LAMB4: variants seen among roughly 807,000 people sequenced by gnomAD.
LAMB4 encodes laminin subunit beta 4.
A neutral mutation model predicts 199.2 loss-of-function variants in LAMB4; 196 were observed. The observed-to-expected ratio is 0.98, with a 90% CI of 0.88 to 1.11. The LOEUF is 1.11. LAMB4 is among the 50% of genes least tolerant of loss of function. The pLI is 0.00. For synonymous variants in LAMB4, 744 were observed against 770.6 expected (o/e 0.97, Z 0.57); for missense variants, 2,080 against 2,171.2 (o/e 0.96, Z 0.83).
intron 30 of LAMB4, among the ~76,000 whole-genome samples, chr7:108,036,684 C>T (rs1378190568): frequency 2.0e-5 from 3 of 151,958 alleles, no homozygotes; most frequent in African/African-American, 7.3e-5. Flanking sequence ...TAACCCTGAC[C>T]CACAGCACCC....
At chr7:108,070,399 C>T (rs993692789) in intron 17 of LAMB4, among the ~76,000 whole-genome samples, 2 of 152,174 alleles carry the variant, frequency 1.3e-5, no homozygotes, top group Non-Finnish European at 2.9e-5. Context: ...CCCTAGATGA[C>T]CAGAACTGAC....
rs756256335 is a variant in LAMB4 at position 108,044,955 on chromosome 7, C to CAAA, written c.4327-1062_4327-1060dup. ...GCCAGACAGAGTGAGATTCTTGTCT[C>CAAA]AAAAAAAAAAAAAAAAAAAGAAAAG... On this transcript the variant is annotated intron_variant, in intron 28 of 33. Transcript: ENST00000388781. Among the ~76,000 whole-genome samples the CAAA allele has an allele frequency of 3.0e-3, 167 of 56,220 alleles. 3 individuals carry two copies. The highest frequency in any genetic ancestry group is 0.012 in the African/African-American group (147 of 12,776). 36.9% of individuals were successfully genotyped at this position (56,220 alleles called of 152,430 possible).
intron 31 of LAMB4, among the ~76,000 whole-genome samples, chr7:108,033,450 G>T (rs944709940): frequency 6.6e-6 from 1 of 152,108 alleles, no homozygotes; most frequent in African/African-American, 2.4e-5. Context: ...TCGCTCTGTT[G>T]CCTAGACTGG....
chr7:108,012,194 G>GT, the LAMB4 span, among the ~76,000 whole-genome samples: 1 of 151,554 alleles, frequency 6.6e-6, no homozygotes, highest in East Asian at 1.9e-4. Context: ...CATGAATAAA[G>GT]TTCTAGAAGG....
intron 2 of LAMB4, among the ~76,000 whole-genome samples, chr7:108,119,177 C>T (rs1300172914): frequency 6.6e-6 from 1 of 152,134 alleles, no homozygotes; most frequent in Non-Finnish European, 1.5e-5. Context: ...GCATACCCTG[C>T]TGGTGGGAAT....
Position 108,115,930 on chromosome 7 carries a change from C to T in LAMB4, c.192+74G>A, listed in dbSNP as rs1399298078. ...GTTGTCTCCTTTAATGTCTGAGTAG[C>T]CCCAGGTGTACCTGGAAAAATCTAC... is the stretch of plus-strand genomic sequence containing the variant. On this transcript the variant is annotated intron_variant, in intron 3 of 33. Coordinates refer to ENST00000388781, the MANE Select transcript of LAMB4 (RefSeq NM_007356.3). 9 of 1,442,136 alleles carry T rather than the reference C, an allele frequency of 6.2e-6. No individual in the cohort carries two copies. The African/African-American group carries it at 9.9e-5, about 16-fold the overall frequency. The allele number at this position is 1,442,136 out of a possible 1,614,324, so 89.3% of individuals were successfully genotyped here. A position where few individuals can be genotyped will look rare whatever the true frequency, so the allele number is the denominator to read the frequency against.
At chr7:108,035,546 G>A (rs117976205) in intron 30 of LAMB4, among the ~76,000 whole-genome samples, 771 of 107,546 alleles carry the variant, frequency 7.2e-3, no homozygotes, top group Non-Finnish European at 7.7e-3. Flanking sequence ...TGTCTCAAAA[G>A]AAAAAAAAAA....
Position 108,076,942 on chromosome 7 carries a change from A to G in LAMB4, c.2124+2T>C. ...GCACCCACAAAACTCTGTGATACTT[A>G]CAGAGTCCACCAGGACATGTGAATG... On this transcript the variant is annotated splice_donor_variant, in intron 17 of 33. Transcript: ENST00000388781. LOFTEE classifies it high-confidence loss of function. 6.2e-7 allele frequency: 1 copy of G among 1,614,016 alleles called. No homozygotes were observed. Among genetic ancestry groups the G allele is most frequent in the African/African-American group, 1.3e-5 (1 of 75,054 alleles).
chr7:108,089,861 T>C (rs1053603604), intron 14 of LAMB4, among the ~76,000 whole-genome samples: 1 of 152,202 alleles, frequency 6.6e-6, no homozygotes, highest in African/African-American at 2.4e-5. Context: ...ATATGGGACC[T>C]CACTATGTTG....
In LAMB4 at chr7:108,055,692, T is replaced by C; in HGVS notation, c.3695A>G (p.Lys1232Arg). The C allele has an allele frequency of 6.2e-7, 1 of 1,614,144 alleles. No homozygotes were observed. The highest frequency in any genetic ancestry group is 8.5e-7 in the Non-Finnish European group (1 of 1,179,980). ...TTTCCCAGATGGGAAAACAGGATGT[T>C]TCAAAATCCTTTCTATTTCAGACAC... ...GNVSEIERIL[K>R]HPVFPSGKFL... The change falls in exon 25 of 34, where the codon AAA becomes AGA. Residue 1232 changes from lysine (K) to arginine (R), a missense_variant. Coordinates refer to ENST00000388781, the MANE Select transcript of LAMB4 (RefSeq NM_007356.3).
chr7:108,079,204 C>A (rs1361168795), intron 15 of LAMB4, among the ~76,000 whole-genome samples: 1 of 152,192 alleles, frequency 6.6e-6, no homozygotes, highest in Non-Finnish European at 1.5e-5. Flanking sequence ...GGGTAAGATG[C>A]AAATGCAAAC....
At chr7:108,015,907 G>C in the LAMB4 span, among the ~76,000 whole-genome samples, 2 of 152,070 alleles carry the variant, frequency 1.3e-5, no homozygotes, top group African/African-American at 2.4e-5. Context: ...CAAAGATGAA[G>C]TATTTCTATT....
At chr7:108,091,352 C>A (rs1028845931) in intron 14 of LAMB4, among the ~76,000 whole-genome samples, 3 of 152,034 alleles carry the variant, frequency 2.0e-5, no homozygotes, top group African/African-American at 7.2e-5. Context: ...CTTGAAACAG[C>A]AAAAGTAAAG....
downstream of LAMB4, among the ~76,000 whole-genome samples, chr7:108,021,957 C>T (rs1636943): frequency 0.2 from 30,793 of 151,946 alleles, 7,281 homozygotes; most frequent in African/African-American, 0.58. Context: ...ATGAAGAGGC[C>T]CGGCCAACTG....
chr7:108,066,408 A>G lies in LAMB4; in HGVS notation c.2639T>C (p.Phe880Ser). 6.2e-7 allele frequency: 1 copy of G among 1,614,178 alleles called. No homozygotes were observed. The highest frequency in any genetic ancestry group is 8.5e-7 in the Non-Finnish European group (1 of 1,180,010). Residue 880 changes from phenylalanine (F) to serine (S), a missense_variant, in exon 20 of 34, where the codon TTC becomes TCC. Phe to Ser is a radical substitution (Grantham distance 155). Transcript: ENST00000388781. ...GCCAGTTGTAAAGCCTCCACAATTG[A>G]AGCATGACCCTGTCTCAGGATCACA... ...ELCDPETGSCFNCGGFTTGRN... is the reference protein window; with the variant it reads ...ELCDPETGSCSNCGGFTTGRN...
At chr7:108,105,778 G>C in intron 8 of LAMB4, 39 bp downstream of exon 8, 1 of 1,563,050 alleles carries the variant, frequency 6.4e-7, no homozygotes, top group Non-Finnish European at 8.8e-7. Flanking sequence ...GTGAAAGGCA[G>C]GTAGGACAGC....
At chr7:108,089,649 G>A (rs958551416) in intron 14 of LAMB4, among the ~76,000 whole-genome samples, 1 of 152,290 alleles carries the variant, frequency 6.6e-6, no homozygotes, top group Admixed American at 6.5e-5. Context: ...ACATCTTAAT[G>A]GGTTAAGAGT....
chr7:108,105,742 T>C, intron 8 of LAMB4, 75 bp downstream of exon 8: 1 of 1,240,148 alleles, frequency 8.1e-7, no homozygotes, highest in Non-Finnish European at 1.2e-6. Context: ...ATGTGGAGTG[T>C]CTCATCTATA....
chr7:108,059,544 G>A (rs749791861), intron 23 of LAMB4, among the ~76,000 whole-genome samples: 1 of 152,128 alleles, frequency 6.6e-6, no homozygotes, highest in Non-Finnish European at 1.5e-5. Context: ...TAGTCTGTCA[G>A]TATAATGTTT....
Sources: allele counts gnomAD v4.1 joint callset (sites outside exome capture counted in the v4.1 genomes callset), GRCh38; gene constraint gnomAD v4.1.1; transcripts MANE v1.5; gene names NCBI Gene and HGNC (gene_info 2026-07-23, HGNC 2026-07-21).